Variants in RBM43 observed in about 807,000 individuals in gnomAD.
The protein encoded by RBM43 is RNA-binding protein 43.
Under a neutral mutation model 12.4 loss-of-function variants are expected in RBM43, and 12 were observed. That is an observed-to-expected ratio of 0.97 (90% CI 0.62 to 1.57). The LOEUF (loss-of-function observed/expected upper bound fraction) is 1.57. RBM43 is among the 40% of genes most tolerant of loss of function. The pLI, the probability that RBM43 is intolerant of heterozygous loss-of-function variation, is 0.00. For missense variants in RBM43, 348 were observed against 400.1 expected (o/e 0.87, Z 1.11); for synonymous variants, 138 against 145.7 (o/e 0.95, Z 0.38).
At position 151,251,195 on chromosome 2, in the gene RBM43, T is replaced by C; in HGVS notation, c.785A>G (p.Lys262Arg). The change falls in exon 4 of 4, where the codon AAA (lysine) becomes AGA (arginine). Residue 262 changes from lysine (K) to arginine (R), a missense_variant. Lys to Arg is a conservative substitution (Grantham distance 26). Coordinates refer to ENST00000331426, the MANE Select transcript of RBM43 (RefSeq NM_198557.3). ...VDGEITTICLKSIQVGSQPNN... is the reference protein window; with the variant it reads ...VDGEITTICLRSIQVGSQPNN... ...TGGCTGAGAACCAACTTGAATGCTT[T>C]TTAGACAAATTGTGGTGATTTCACC... 6.2e-7 allele frequency: 1 copy of C among 1,614,016 alleles called. No individual in the cohort carries two copies. Among genetic ancestry groups the C allele is most frequent in the South Asian group, 1.1e-5 (1 of 91,078 alleles).
chr2:151,259,137 C>CAAA (rs1683013632), intron 1 of RBM43, among the ~76,000 whole-genome samples: 1 of 96,970 alleles, frequency 1.0e-5, no homozygotes. Context: ...GACTTCGTCC[C>CAAA]CAAAAAAAAA....
In RBM43 at chr2:151,250,816, G is replaced by A; in HGVS notation, c.*90C>T. 1.2e-6 allele frequency: 1 copy of A among 868,242 alleles called. No individual in the cohort carries two copies. The highest frequency in any genetic ancestry group is 1.8e-6 in the Non-Finnish European group (1 of 552,816). 53.8% of individuals were successfully genotyped at this position (868,242 alleles called of 1,614,324 possible). ...GAAGGATGACTATAAGGATTCATGA[G>A]ATACGGTGTGTAAAGCTAGCCTCAT... On this transcript the variant is annotated 3_prime_UTR_variant, in exon 4 of 4. Coordinates refer to ENST00000331426, the MANE Select transcript of RBM43 (RefSeq NM_198557.3).
In RBM43 at chr2:151,248,582, A is replaced by G. The variant is rs551618347; in HGVS notation, c.*2324T>C. 2 of 152,266 alleles carry G rather than the reference A, an allele frequency of 1.3e-5. No homozygotes were observed. The highest frequency in any genetic ancestry group is 4.1e-4 in the South Asian group (2 of 4,826). The allele number at this position is 152,266 out of a possible 1,614,324, so 9.4% of individuals were successfully genotyped here. On this transcript the variant is annotated 3_prime_UTR_variant, in exon 4 of 4. Transcript: ENST00000331426. Reference sequence around the variant, plus strand: ...TTGTTTTTATTTTTTTTTAGCCTCAAGATATCAATGAAATATGCATATCTT... The same window carrying G: ...TTGTTTTTATTTTTTTTTAGCCTCAGGATATCAATGAAATATGCATATCTT...
intron 1 of RBM43, chr2:151,261,077 C>A: frequency 1.4e-6 from 1 of 695,258 alleles, no homozygotes; most frequent in Non-Finnish European, 2.3e-6. Flanking sequence ...CTTGCTTTTG[C>A]ATTTCCGGGA....
chr2:151,260,289 C>A (rs1005804646), intron 1 of RBM43, among the ~76,000 whole-genome samples: 2 of 152,074 alleles, frequency 1.3e-5, no homozygotes, highest in African/African-American at 4.8e-5. Flanking sequence ...TCACGCCCAG[C>A]TAATTTTTGT....
rs1682917940 is a variant in RBM43 at position 151,252,639 on chromosome 2, A to G, written c.315+116T>C. On this transcript the variant is annotated intron_variant, in intron 3 of 3. Transcript: ENST00000331426. ...TTTAACACTGACTCAGGGAGTTTGCATTTTCCTTCCTAGAAGTCATGGAGT... is the reference window on the plus strand; with the variant it reads ...TTTAACACTGACTCAGGGAGTTTGCGTTTTCCTTCCTAGAAGTCATGGAGT... 3 of 600,564 alleles carry G rather than the reference A, an allele frequency of 5.0e-6. No individual in the cohort carries two copies. The Admixed American group carries it at 7.5e-5, about 15-fold the overall frequency. 37.2% of individuals were successfully genotyped at this position (600,564 alleles called of 1,614,324 possible).
In RBM43 at chr2:151,250,831, G is replaced by T; in HGVS notation, c.*75C>A. The stretch of plus-strand genomic sequence containing the variant: ...GGATTCATGAGATACGGTGTGTAAA[G>T]CTAGCCTCATTCATGGCAATGGTCA... On this transcript the variant is annotated 3_prime_UTR_variant, in exon 4 of 4. Transcript: ENST00000331426. 9.4e-7 allele frequency: 1 copy of T among 1,064,232 alleles called. No individual in the cohort carries two copies. The highest frequency in any genetic ancestry group is 1.6e-5 in the South Asian group (1 of 62,906). The allele number at this position is 1,064,232 out of a possible 1,614,324, so 65.9% of individuals were successfully genotyped here.
chr2:151,256,178 T>G (rs1682971201), intron 1 of RBM43, among the ~76,000 whole-genome samples: 1 of 151,860 alleles, frequency 6.6e-6, no homozygotes, highest in Non-Finnish European at 1.5e-5. Flanking sequence ...GCCAGGCTGG[T>G]CTTGAACTCC....
intron 3 of RBM43, among the ~76,000 whole-genome samples, chr2:151,251,880 C>A (rs954851621): frequency 6.6e-6 from 1 of 152,178 alleles, no homozygotes; most frequent in African/African-American, 2.4e-5. Context: ...CCACATACCC[C>A]AAAACAGACA....
rs753429220 is a variant in RBM43 at position 151,255,693 on chromosome 2, T to C, written c.54A>G (p.Val18=). 2 of 1,614,016 alleles carry C rather than the reference T, an allele frequency of 1.2e-6. No homozygotes were observed. Among genetic ancestry groups the C allele is most frequent in the Non-Finnish European group, 1.7e-6 (2 of 1,179,958 alleles). The change falls in exon 2 of 4, where the codon GTA becomes GTG. Residue 18 remains valine, a synonymous_variant. Transcript: ENST00000331426. ...KESKAPERTV[V]VAGLPVDLFS... ...AAAGGTCAACTGGAAGACCAGCAACTACAACCGTTCTTTCAGGAGCTTTGG... is the reference window on the plus strand; with the variant it reads ...AAAGGTCAACTGGAAGACCAGCAACCACAACCGTTCTTTCAGGAGCTTTGG...
chr2:151,255,453 G>T, intron 2 of RBM43, 80 bp downstream of exon 2: 5 of 996,126 alleles, frequency 5.0e-6, no homozygotes, highest in Non-Finnish European at 4.5e-6. Context: ...CCAATTCCGT[G>T]GATCATTTTA....
chr2:151,261,570 G>A, intron 1 of RBM43, 155 bp downstream of exon 1: 4 of 1,540,458 alleles, frequency 2.6e-6, no homozygotes, highest in Non-Finnish European at 3.5e-6. Context: ...GCTCTCCGGG[G>A]CCCCCGGGGT....
chr2:151,261,068 T>C, intron 1 of RBM43: 1 of 644,974 alleles, frequency 1.6e-6, no homozygotes, highest in Non-Finnish European at 2.5e-6. Flanking sequence ...AAAAACGTAC[T>C]TGCTTTTGCA....
chr2:151,257,635 G>C (rs1386488358), intron 1 of RBM43, among the ~76,000 whole-genome samples: 1 of 152,158 alleles, frequency 6.6e-6, no homozygotes, highest in African/African-American at 2.4e-5. Context: ...GGAGGTTGGG[G>C]TGAGCCGAGA....
In RBM43 at chr2:151,261,848, G is replaced by T. The variant is rs991221008; in HGVS notation, c.-121C>A. 1.2e-5 allele frequency: 14 copies of T among 1,207,566 alleles called. No homozygotes were observed. The African/African-American group carries it at 1.8e-4, about 16-fold the overall frequency. 74.8% of individuals were successfully genotyped at this position (1,207,566 alleles called of 1,614,324 possible). A position where few individuals can be genotyped will look rare whatever the true frequency, so the allele number is the denominator to read the frequency against. ...CGTTTTTTGTTCCAGCTCCCTTGGA[G>T]GCTACGAAGAAAAGGGCGGTCCTTC... On this transcript the variant is annotated 5_prime_UTR_variant, in exon 1 of 4. Coordinates refer to ENST00000331426, the MANE Select transcript of RBM43 (RefSeq NM_198557.3).
intron 1 of RBM43, among the ~76,000 whole-genome samples, chr2:151,258,682 C>A (rs1223366632): frequency 6.6e-6 from 1 of 151,508 alleles, no homozygotes; most frequent in Non-Finnish European, 1.5e-5. Context: ...GCCTGGGTGA[C>A]AGAGCAAGGC....
chr2:151,251,814 A>G, intron 3 of RBM43, 150 bp from the exon 4 acceptor site: 1 of 725,274 alleles, frequency 1.4e-6, no homozygotes. Context: ...TTCTTGCACC[A>G]GGGCAGCCCA....
At chr2:151,256,398 A>G (rs1432093557) in intron 1 of RBM43, among the ~76,000 whole-genome samples, 1 of 152,242 alleles carries the variant, frequency 6.6e-6, no homozygotes, top group Non-Finnish European at 1.5e-5. Context: ...AAGTCAAACT[A>G]ACCACAAAAT....
At position 151,250,561 on chromosome 2, in the gene RBM43, T is replaced by G. The variant is rs1682884653; in HGVS notation, c.*345A>C. On this transcript the variant is annotated 3_prime_UTR_variant, in exon 4 of 4. Transcript: ENST00000331426. ...TTGCAGTGAGCCGAGATCACGCCACTGCACTCCAGCCTGGACAACAGAGCG... is the reference window on the plus strand; with the variant it reads ...TTGCAGTGAGCCGAGATCACGCCACGGCACTCCAGCCTGGACAACAGAGCG... 6.7e-6 allele frequency: 1 copy of G among 150,046 alleles called. No individual in the cohort carries two copies. The highest frequency in any genetic ancestry group is 1.3e-5 in the Non-Finnish European group (1 of 74,150). 9.3% of individuals were successfully genotyped at this position (150,046 alleles called of 1,614,324 possible). A position where few individuals can be genotyped will look rare whatever the true frequency, so the allele number is the denominator to read the frequency against.
Sources: gnomAD v4.1 joint callset for allele counts (sites outside exome capture counted in the v4.1 genomes callset) on GRCh38, gnomAD v4.1.1 for gene constraint, MANE v1.5 for transcripts, NCBI Gene and HGNC (gene_info 2026-07-23, HGNC 2026-07-21) for gene names.